The following SBF2 variants were observed in gnomAD, a reference collection of about 807,000 sequenced individuals.
SBF2 encodes the protein SET binding factor 2.
SBF2 carries 112 observed loss-of-function variants against 225.2 expected under a neutral mutation model. The observed-to-expected ratio is 0.50, with a 90% confidence interval of 0.43 to 0.58. The LOEUF (loss-of-function observed/expected upper bound fraction) is 0.58. Ranked by LOEUF, SBF2 falls within the 20% of genes least tolerant of loss-of-function variation. SBF2 has a pLI of 0.00. For missense variants in SBF2, 1,996 were observed against 2,206.2 expected (o/e 0.90, Z 1.91); for synonymous variants, 763 against 773.3 (o/e 0.99, Z 0.22).
intron 2 of SBF2, among the ~76,000 whole-genome samples, chr11:10,170,366 C>T (rs544551753): frequency 6.6e-6 from 1 of 152,194 alleles, no homozygotes; most frequent in Admixed American, 6.5e-5. Flanking sequence ...TTCTTCAGCA[C>T]CATTTACTGA....
intron 2 of SBF2, among the ~76,000 whole-genome samples, chr11:10,151,441 T>C (rs1020516589): frequency 8.5e-5 from 13 of 152,200 alleles, no homozygotes; most frequent in Non-Finnish European, 1.8e-4. Context: ...GGTATTCAAA[T>C]GTTACTACTG....
intron 17 of SBF2, among the ~76,000 whole-genome samples, chr11:9,861,185 A>G (rs901234633): frequency 1.3e-5 from 2 of 152,118 alleles, no homozygotes; most frequent in Non-Finnish European, 2.9e-5. Context: ...ACAAGTTTAG[A>G]ATTTTGGAGC....
chr11:10,182,830 G>C (rs545316106), intron 2 of SBF2, among the ~76,000 whole-genome samples: 70 of 151,928 alleles, frequency 4.6e-4, no homozygotes, highest in African/African-American at 1.2e-3. Flanking sequence ...CTGGAGTGCA[G>C]TGGCGATGTC....
intron 6 of SBF2, among the ~76,000 whole-genome samples, chr11:10,011,811 TG>T (rs1324966302): frequency 6.6e-6 from 1 of 152,250 alleles, no homozygotes. Flanking sequence ...TTCACAATCA[TG>T]CTGTGTCTAC....
intron 1 of SBF2, among the ~76,000 whole-genome samples, chr11:10,253,939 T>C (rs1195654359): frequency 6.6e-6 from 1 of 152,132 alleles, no homozygotes; most frequent in Non-Finnish European, 1.5e-5. Flanking sequence ...CACAGTGAAA[T>C]ATTACCTCAC....
At chr11:10,196,837 A>AATATATAT (rs71313475) in intron 1 of SBF2, among the ~76,000 whole-genome samples, 3 of 83,520 alleles carry the variant, frequency 3.6e-5, no homozygotes, top group Non-Finnish European at 7.2e-5. Context: ...TTCTTGCATA[A>AATATATAT]ATATATATAT....
chr11:10,202,376 G>A (rs1456497430), intron 1 of SBF2, among the ~76,000 whole-genome samples: 7 of 152,082 alleles, frequency 4.6e-5, no homozygotes, highest in Admixed American at 1.3e-4. Flanking sequence ...ACTTCACTCC[G>A]AGTCATGTTC....
At chr11:10,151,585 C>G (rs1179468890) in intron 2 of SBF2, among the ~76,000 whole-genome samples, 3 of 152,204 alleles carry the variant, frequency 2.0e-5, no homozygotes, top group African/African-American at 7.2e-5. Context: ...TGATAAACAT[C>G]TCTGTTCATT....
At chr11:10,224,633 G>C (rs1958469064) in intron 1 of SBF2, among the ~76,000 whole-genome samples, 1 of 151,970 alleles carries the variant, frequency 6.6e-6, no homozygotes, top group Non-Finnish European at 1.5e-5. Context: ...TTAATAGGCT[G>C]TCCCCTCAAA....
At chr11:10,269,630 T>C (rs1055699274) in intron 1 of SBF2, among the ~76,000 whole-genome samples, 23 of 152,252 alleles carry the variant, frequency 1.5e-4, no homozygotes, top group African/African-American at 5.3e-4. Context: ...ATGAGGTAGA[T>C]ACTACTATTT....
chr11:10,015,907 T>C (rs953627782), intron 6 of SBF2, among the ~76,000 whole-genome samples: 3 of 152,000 alleles, frequency 2.0e-5, no homozygotes. Context: ...GGTTCAGCAA[T>C]TCTCCTGCCT....
At chr11:9,930,475 T>A (rs1163745746) in intron 16 of SBF2, among the ~76,000 whole-genome samples, 1 of 152,096 alleles carries the variant, frequency 6.6e-6, no homozygotes, top group Non-Finnish European at 1.5e-5. Context: ...AGGCAGGGTG[T>A]TGAGAAGAGG....
chr11:9,859,863 C>T (rs1222173745), intron 17 of SBF2, among the ~76,000 whole-genome samples: 1 of 152,162 alleles, frequency 6.6e-6, no homozygotes, highest in Non-Finnish European at 1.5e-5. Flanking sequence ...TACTACATGC[C>T]ATCTGTAAGA....
chr11:9,967,593 T>C (rs1288543987), intron 14 of SBF2, among the ~76,000 whole-genome samples: 1 of 152,036 alleles, frequency 6.6e-6, no homozygotes, highest in African/African-American at 2.4e-5. Flanking sequence ...GAGTGACTGC[T>C]AATAGGTGTG....
intron 1 of SBF2, among the ~76,000 whole-genome samples, chr11:10,277,212 G>C (rs1963026581): frequency 6.6e-6 from 1 of 150,598 alleles, no homozygotes; most frequent in Admixed American, 6.6e-5. Context: ...TTGAGCCCGG[G>C]AGTTTGAGAC....
At chr11:10,100,625 C>T (rs60257382) in intron 2 of SBF2, among the ~76,000 whole-genome samples, 26,348 of 151,960 alleles carry the variant, frequency 0.17, 2,477 homozygotes, top group East Asian at 0.29. Flanking sequence ...TAGCTGTAGC[C>T]CCACTATGAG....
intron 16 of SBF2, among the ~76,000 whole-genome samples, chr11:9,954,936 T>G (rs1358939982): frequency 6.6e-6 from 1 of 152,060 alleles, no homozygotes; most frequent in Non-Finnish European, 1.5e-5. Flanking sequence ...ATTAGGAAAT[T>G]GCCTGACTTT....
intron 6 of SBF2, among the ~76,000 whole-genome samples, chr11:10,003,047 C>T (rs1315045135): frequency 6.6e-6 from 1 of 152,198 alleles, no homozygotes; most frequent in Non-Finnish European, 1.5e-5. Context: ...AATAATACCA[C>T]ACCAGCTTTG....
rs549984762 is a variant in SBF2, at chr11:10,292,447, C to T, written c.55+1568G>A. On this transcript the variant is annotated intron_variant, in intron 1 of 39. Coordinates refer to ENST00000256190, the MANE Select transcript of SBF2 (RefSeq NM_030962.4). ...CTGTAATCCCAGCACTTTGGGAGGC[C>T]GAGGCCGGTGGATCACGAGATCAGG... Among the ~76,000 whole-genome samples, 684 of 151,998 alleles carry T rather than the reference C, an allele frequency of 4.5e-3. 4 individuals are homozygous for T. Among genetic ancestry groups the T allele is most frequent in the African/African-American group, 0.016 (671 of 41,426 alleles).
Sources: allele counts gnomAD v4.1 joint callset (sites outside exome capture counted in the v4.1 genomes callset), GRCh38; gene constraint gnomAD v4.1.1; transcripts MANE v1.5; gene names NCBI Gene and HGNC (gene_info 2026-07-23, HGNC 2026-07-21).